The following SNRNP200 variants were observed in gnomAD, a reference collection of about 807,000 sequenced individuals.
The protein encoded by SNRNP200 is U5 small nuclear ribonucleoprotein 200 kDa helicase.
A neutral mutation model predicts 255.2 loss-of-function variants in SNRNP200; 66 were observed. The observed-to-expected ratio is 0.26, with a 90% CI of 0.21 to 0.32. The LOEUF is 0.32. SNRNP200 is among the 10% of genes least tolerant of loss of function. The pLI, the probability that SNRNP200 is intolerant of heterozygous loss-of-function variation, is 1.00. For missense variants in SNRNP200, 1,585 were observed against 2,749.8 expected, an observed-to-expected ratio of 0.58 and a Z score of 9.47; for synonymous variants, 939 against 1,027.8, an observed-to-expected ratio of 0.91 and a Z score of 1.65.
chr2:96,304,895 C>G (rs1457282918), intron 1 of SNRNP200, 27 bp from the exon 2 acceptor site: 2 of 1,609,488 alleles, frequency 1.2e-6, no homozygotes, highest in East Asian at 2.2e-5. Flanking sequence ...ATTATTGAAG[C>G]TTTGACATGA....
At chr2:96,281,366 A>C (rs1183785405) in intron 35 of SNRNP200, 1 of 187,338 alleles carries the variant, frequency 5.3e-6, no homozygotes, top group Non-Finnish European at 1.1e-5. Context: ...CGGGGGTTTC[A>C]CTATGTTAGC....
At position 96,287,274 on chromosome 2, in the gene SNRNP200, GC is replaced by G; in HGVS notation, c.3485-115del. On this transcript the variant is annotated intron_variant, in intron 26 of 44. Coordinates refer to ENST00000323853, the MANE Select transcript of SNRNP200 (RefSeq NM_014014.5). The surrounding 1 kb of genome is among the most constrained non-coding windows in gnomAD (Gnocchi z 5.7). ...GGGTCTTCCCTTTATGGTCAGTGGA[GC>G]CCAGGATTCCAAGTCCCCAGACCAA... 7.1e-7 allele frequency: 1 copy of G among 1,404,972 alleles called. No homozygotes were observed. Among genetic ancestry groups the G allele is most frequent in the Non-Finnish European group, 1.0e-6 (1 of 991,054 alleles). 87.0% of individuals were successfully genotyped at this position (1,404,972 alleles called of 1,614,324 possible).
Position 96,304,709 on chromosome 2 carries a change from C to T in SNRNP200, c.205G>A (p.Ala69Thr). Residue 69 changes from alanine to threonine, a missense_variant, in exon 2 of 45, where the codon GCC becomes ACC. By Grantham distance (58) the Ala-to-Thr change is moderately conservative. This residue lies in a region of SNRNP200 where 383 missense variants were observed against 645.3 expected (regional missense o/e 0.59). Coordinates refer to ENST00000323853, the MANE Select transcript of SNRNP200 (RefSeq NM_014014.5). ...TKPQMQEERR[A>T]KRRKRDEDRH... ...TAGTATCCCCTTGGCACTCACTTGG[C>T]TCTTCTTTCCTCCTGCATCTGCGGT... 6.2e-7 allele frequency: 1 copy of T among 1,614,100 alleles called. No individual in the cohort carries two copies. Among genetic ancestry groups the T allele is most frequent in the Non-Finnish European group, 8.5e-7 (1 of 1,179,964 alleles).
At chr2:96,301,464 G>A (rs1243718945) in intron 4 of SNRNP200, 60 bp downstream of exon 4, 60 of 1,492,802 alleles carry the variant, frequency 4.0e-5, no homozygotes, top group Non-Finnish European at 5.5e-5. Flanking sequence ...GCTAGAAGAT[G>A]CATGTTTAGG....
intron 31 of SNRNP200, 99 bp downstream of exon 31, chr2:96,284,259 A>T (rs1024419113): frequency 2.8e-6 from 3 of 1,065,662 alleles, no homozygotes; most frequent in Non-Finnish European, 4.3e-6. Flanking sequence ...TCTGGGGAGA[A>T]GCCCCGAGCC....
At position 96,289,812 on chromosome 2, in the gene SNRNP200, G is replaced by A. The variant is rs368406136; in HGVS notation, c.2927C>T (p.Thr976Met). ...CACCCCACGCACCTGGAAGTTGCCC[G>A]TCTTCTTGTCGTACTTGACCAGATT... ...KNNLVKYDKK[T>M]GNFQVTELGR... The change falls in exon 21 of 45, where the codon ACG becomes ATG. Residue 976 changes from threonine to methionine, a missense_variant. This residue lies in a region of SNRNP200 where 719 missense variants were observed against 1,091.1 expected (regional missense o/e 0.66). Coordinates refer to ENST00000323853, the MANE Select transcript of SNRNP200 (RefSeq NM_014014.5). The A allele has an allele frequency of 2.0e-5, 33 of 1,613,960 alleles. No individual in the cohort carries two copies. The highest frequency in any genetic ancestry group is 4.5e-5 in the East Asian group (2 of 44,888).
chr2:96,299,802 C>T (rs1423891502), intron 5 of SNRNP200, among the ~76,000 whole-genome samples: 1 of 152,192 alleles, frequency 6.6e-6, no homozygotes, highest in African/African-American at 2.4e-5. Flanking sequence ...CGCACTTAGC[C>T]TGCTCACCAC....
At position 96,279,006 on chromosome 2, in the gene SNRNP200, T is replaced by C; in HGVS notation, c.5134-8A>G. ...GAACTTCTTGAAGAAATCCTGTGGG[T>C]TGGAGAGGGAGAAGGAGTAATAAAG... On this transcript the variant is annotated splice_polypyrimidine_tract_variant and splice_region_variant and intron_variant, in intron 36 of 44. Transcript: ENST00000323853. The C allele has an allele frequency of 6.2e-7, 1 of 1,611,098 alleles. No individual in the cohort carries two copies. The highest frequency in any genetic ancestry group is 8.5e-7 in the Non-Finnish European group (1 of 1,177,552).
rs369456886 is a variant in SNRNP200, at chr2:96,281,804, T to C, written c.5024+10A>G. On this transcript the variant is annotated intron_variant, in intron 35 of 44. Transcript: ENST00000323853. ...GGTCTGTGCTAACACAGAGCACCAG[T>C]TGTACTCACGCGTGGATCTTGCCAT... 3.8e-6 allele frequency: 6 copies of C among 1,591,678 alleles called. 1 individual carries two copies. Among genetic ancestry groups the C allele is most frequent in the Admixed American group, 3.3e-5 (2 of 59,984 alleles).
chr2:96,293,878 A>G (rs17420101), intron 14 of SNRNP200, among the ~76,000 whole-genome samples: 48,807 of 152,102 alleles, frequency 0.32, 8,483 homozygotes, highest in South Asian at 0.7. Context: ...AAGCTATCAC[A>G]CATCAAATGA....
intron 43 of SNRNP200, among the ~76,000 whole-genome samples, chr2:96,275,816 CATG>C (rs1179103959): frequency 6.6e-6 from 1 of 152,230 alleles, no homozygotes; most frequent in African/African-American, 2.4e-5. Context: ...TACTGGCTAA[CATG>C]GTGAAACTCC....
intron 24 of SNRNP200, among the ~76,000 whole-genome samples, 186 bp from the exon 25 acceptor site, chr2:96,288,155 A>T (rs954307644): frequency 6.6e-6 from 1 of 152,186 alleles, no homozygotes; most frequent in Non-Finnish European, 1.5e-5. Context: ...GATGGGGAAC[A>T]ATTAGAAGAG....
chr2:96,278,261 G>A lies in SNRNP200; in HGVS notation c.5586C>T (p.His1862=). ...AAEYENIPIR[H]HEDNLLRQLA... ...CCTGCCTCAGGAGATTGTCTTCATG[G>A]TGCCGGATGGGAATGTTCTCATACT... The change falls in exon 39 of 45, where the codon CAC becomes CAT. Residue 1862 remains histidine (H), a synonymous_variant. Transcript: ENST00000323853. This position sits in a 1 kb window ranked among gnomAD's most constrained non-coding sequence, Gnocchi z 6.9. 6.2e-7 allele frequency: 1 copy of A among 1,614,194 alleles called. No individual in the cohort carries two copies. Among genetic ancestry groups the A allele is most frequent in the Non-Finnish European group, 8.5e-7 (1 of 1,180,042 alleles).
chr2:96,295,187 G>A (rs775500868), intron 14 of SNRNP200, among the ~76,000 whole-genome samples: 2 of 152,290 alleles, frequency 1.3e-5, no homozygotes, highest in Non-Finnish European at 1.5e-5. Context: ...CAGCCTGGGC[G>A]ACAGAGCTAG....
chr2:96,294,886 A>T (rs372755074), intron 14 of SNRNP200, among the ~76,000 whole-genome samples: 42 of 152,304 alleles, frequency 2.8e-4, no homozygotes, highest in African/African-American at 1.0e-3. Flanking sequence ...AAGTGTAGTA[A>T]AATATTTCAG....
chr2:96,296,315 C>T (rs939408447), intron 13 of SNRNP200, among the ~76,000 whole-genome samples: 2 of 152,168 alleles, frequency 1.3e-5, no homozygotes, highest in Non-Finnish European at 2.9e-5. Context: ...AAGAAAGATG[C>T]TAACCCTTGT....
intron 30 of SNRNP200, chr2:96,284,875 A>C (rs1402663795): frequency 1.9e-6 from 1 of 524,878 alleles, no homozygotes. Flanking sequence ...TCAGCCTTCC[A>C]AGTAGCTGGG....
At position 96,289,222 on chromosome 2, in the gene SNRNP200, C is replaced by T. The variant is rs1368986737; in HGVS notation, c.3093+5G>A. ...TCCCCGCCCCATCATGCTGCATAGG[C>T]TCACCTCTCTCACTGTGATGTTCTT... On this transcript the variant is annotated splice_donor_5th_base_variant and intron_variant, in intron 22 of 44. Transcript: ENST00000323853. 6.2e-7 allele frequency: 1 copy of T among 1,614,132 alleles called. No individual in the cohort carries two copies. The highest frequency in any genetic ancestry group is 8.5e-7 in the Non-Finnish European group (1 of 1,180,054).
chr2:96,299,290 G>A (rs1158529178), intron 6 of SNRNP200, 39 bp downstream of exon 6: 1 of 1,577,024 alleles, frequency 6.3e-7, no homozygotes, highest in Non-Finnish European at 8.7e-7. Context: ...ACACCCAGAA[G>A]TAACCTTGTA....
Sources: gnomAD v4.1 joint callset for allele counts (sites outside exome capture counted in the v4.1 genomes callset) on GRCh38, gnomAD v4.1.1 for gene constraint, gnomAD v4.1.1 regional missense constraint, Gnocchi (gnomAD v3.1) non-coding constraint, MANE v1.5 for transcripts, NCBI Gene and HGNC (gene_info 2026-07-23, HGNC 2026-07-21) for gene names.